CLSTN2: variants seen among roughly 807,000 people sequenced by gnomAD.
The protein encoded by CLSTN2 is calsyntenin-2.
A neutral mutation model predicts 101.2 loss-of-function variants in CLSTN2; 48 were observed. The observed-to-expected ratio is 0.47, with a 90% CI of 0.38 to 0.60. The LOEUF is 0.60. Ranked by LOEUF, CLSTN2 falls within the 20% of genes least tolerant of loss-of-function variation. The probability of loss-of-function intolerance (pLI) is 0.00; values close to 1 mark genes in which losing one functional copy is unlikely to be tolerated. For synonymous variants in CLSTN2, 481 were observed against 463.6 expected (o/e 1.04, Z -0.48); for missense variants, 1,160 against 1,238.2 (o/e 0.94, Z 0.95).
intron 1 of CLSTN2, among the ~76,000 whole-genome samples, chr3:140,152,099 CT>C (rs1553803157): frequency 2.0e-5 from 3 of 152,166 alleles, no homozygotes; most frequent in Non-Finnish European, 4.4e-5. Context: ...AAAATTACAT[CT>C]GTTAGATTAG....
intron 2 of CLSTN2, among the ~76,000 whole-genome samples, chr3:140,239,122 C>T (rs1006036014): frequency 2.4e-4 from 36 of 152,056 alleles, no homozygotes; most frequent in African/African-American, 8.0e-4. Flanking sequence ...TTCAGTAACC[C>T]TAGTTTTTGC....
chr3:140,147,916 T>A (rs751773260), intron 1 of CLSTN2, among the ~76,000 whole-genome samples: 1 of 152,248 alleles, frequency 6.6e-6, no homozygotes, highest in Non-Finnish European at 1.5e-5. Flanking sequence ...TGAGGTCAGA[T>A]AACTTGCCTG....
intron 1 of CLSTN2, among the ~76,000 whole-genome samples, chr3:139,948,200 C>T (rs1156328007): frequency 1.3e-5 from 2 of 152,064 alleles, no homozygotes; most frequent in Non-Finnish European, 2.9e-5. Context: ...CCCTGGAAGC[C>T]ACTCCTTAAA....
intron 1 of CLSTN2, among the ~76,000 whole-genome samples, chr3:139,959,194 AG>A (rs1432854610): frequency 6.6e-6 from 1 of 152,092 alleles, no homozygotes; most frequent in East Asian, 1.9e-4. Context: ...CCAAAGTTCC[AG>A]GTCTACTATG....
At chr3:140,053,878 A>G (rs1370968402) in intron 1 of CLSTN2, among the ~76,000 whole-genome samples, 1 of 152,200 alleles carries the variant, frequency 6.6e-6, no homozygotes, top group East Asian at 1.9e-4. Context: ...GTATCAACAC[A>G]TGTAAGGAAC....
intron 2 of CLSTN2, among the ~76,000 whole-genome samples, chr3:140,194,517 A>C (rs186104695): frequency 6.6e-6 from 1 of 152,254 alleles, no homozygotes; most frequent in Admixed American, 6.5e-5. Context: ...AGTGGCATCT[A>C]CTGATTTAAA....
At chr3:140,167,663 TTCA>T (rs745912094) in intron 1 of CLSTN2, among the ~76,000 whole-genome samples, 1 of 152,308 alleles carries the variant, frequency 6.6e-6, no homozygotes. Context: ...ACAGAATGGT[TTCA>T]TCGTCTCAGA....
At chr3:140,172,228 G>C (rs1388080967) in intron 1 of CLSTN2, among the ~76,000 whole-genome samples, 1 of 151,424 alleles carries the variant, frequency 6.6e-6, no homozygotes, top group Non-Finnish European at 1.5e-5. Flanking sequence ...GGTATTGGGG[G>C]TGAGCGGGGG....
chr3:140,177,334 A>C (rs1444555191), intron 2 of CLSTN2, among the ~76,000 whole-genome samples: 1 of 152,168 alleles, frequency 6.6e-6, no homozygotes, highest in Non-Finnish European at 1.5e-5. Flanking sequence ...ATCTTCCCTA[A>C]ACCTTCTTTG....
intron 1 of CLSTN2, among the ~76,000 whole-genome samples, chr3:139,991,977 G>A (rs1187807832): frequency 6.6e-6 from 1 of 152,160 alleles, no homozygotes; most frequent in East Asian, 1.9e-4. Flanking sequence ...TCTTATAATT[G>A]AGACCCATTG....
chr3:140,510,918 C>A (rs137900402), intron 8 of CLSTN2, among the ~76,000 whole-genome samples: 1 of 152,140 alleles, frequency 6.6e-6, no homozygotes, highest in Non-Finnish European at 1.5e-5. Context: ...CAGGTAAATG[C>A]GTGCCATGGT....
At chr3:140,060,108 A>G (rs2008176723) in intron 1 of CLSTN2, among the ~76,000 whole-genome samples, 1 of 152,176 alleles carries the variant, frequency 6.6e-6, no homozygotes. Flanking sequence ...GTTTGTAAAT[A>G]ACTCAGCGAG....
chr3:140,005,743 T>A (rs561217694), intron 1 of CLSTN2, among the ~76,000 whole-genome samples: 2 of 152,286 alleles, frequency 1.3e-5, no homozygotes, highest in African/African-American at 4.8e-5. Flanking sequence ...GTGAAAAAAA[T>A]TAATGCAATT....
At chr3:140,554,023 C>T (rs73231272) in intron 10 of CLSTN2, among the ~76,000 whole-genome samples, 173 of 152,222 alleles carry the variant, frequency 1.1e-3, no homozygotes, top group Non-Finnish European at 2.0e-3. Context: ...AACACTAAGG[C>T]TAAGTTCTGG....
At chr3:140,478,453 A>C (rs2107750148) in intron 8 of CLSTN2, among the ~76,000 whole-genome samples, 1 of 152,330 alleles carries the variant, frequency 6.6e-6, no homozygotes, top group South Asian at 2.1e-4. Flanking sequence ...GAATCTCAAA[A>C]ACATTATGCT....
At chr3:140,246,014 C>G (rs772186204) in intron 2 of CLSTN2, among the ~76,000 whole-genome samples, 3 of 152,118 alleles carry the variant, frequency 2.0e-5, no homozygotes. Flanking sequence ...AGCTTGCACT[C>G]AATAAACTGT....
chr3:140,422,090 T>A (rs1480117121), intron 5 of CLSTN2, among the ~76,000 whole-genome samples: 1 of 152,202 alleles, frequency 6.6e-6, no homozygotes, highest in Non-Finnish European at 1.5e-5. Context: ...TATTGCTTAC[T>A]CATAACTCAT....
intron 2 of CLSTN2, among the ~76,000 whole-genome samples, chr3:140,318,872 A>C (rs1293278025): frequency 6.6e-6 from 1 of 152,206 alleles, no homozygotes; most frequent in Non-Finnish European, 1.5e-5. Context: ...TATTATAAGT[A>C]ATCCATCCTG....
At chr3:140,380,116 C>T (rs1039984040) in intron 2 of CLSTN2, among the ~76,000 whole-genome samples, 6 of 152,128 alleles carry the variant, frequency 3.9e-5, no homozygotes, top group Admixed American at 1.3e-4. Flanking sequence ...CCATCTCATG[C>T]CTGTTGAATG....
Sources: allele counts gnomAD v4.1 joint callset (sites outside exome capture counted in the v4.1 genomes callset), GRCh38; gene constraint gnomAD v4.1.1; transcripts MANE v1.5; gene names NCBI Gene and HGNC (gene_info 2026-07-23, HGNC 2026-07-21).